Variants in SLC36A1 observed in about 807,000 individuals in gnomAD.
The protein encoded by SLC36A1 is solute carrier family 36 member 1.
In SLC36A1, 30 loss-of-function variants were observed where a neutral mutation model predicts 47.5. That is an observed-to-expected ratio of 0.63 (90% CI 0.47 to 0.86). The LOEUF (loss-of-function observed/expected upper bound fraction) is 0.86. SLC36A1 is among the 40% of genes least tolerant of loss of function. The pLI, the probability that SLC36A1 is intolerant of heterozygous loss-of-function variation, is 0.00. For missense variants in SLC36A1, 517 were observed against 606.0 expected, an observed-to-expected ratio of 0.85 and a Z score of 1.54; for synonymous variants, 255 against 249.7, an observed-to-expected ratio of 1.02 and a Z score of -0.20.
chr5:151,467,166 C>A (rs747164732), intron 5 of SLC36A1, 33 bp from the exon 6 acceptor site: 6 of 1,503,082 alleles, frequency 4.0e-6, no homozygotes, highest in Middle Eastern at 1.7e-4. Flanking sequence ...TGTATTGTAA[C>A]AGTCTTTGTA....
At chr5:151,520,211 G>C in the SLC36A1 span, among the ~76,000 whole-genome samples, 1 of 152,258 alleles carries the variant, frequency 6.6e-6, no homozygotes, top group Non-Finnish European at 1.5e-5. Flanking sequence ...GGCCAGGCAG[G>C]AGCGCTGGTG....
At chr5:151,467,109 TA>T in intron 5 of SLC36A1, 89 bp from the exon 6 acceptor site, 2 of 1,038,730 alleles carry the variant, frequency 1.9e-6, no homozygotes, top group Non-Finnish European at 2.9e-6. Flanking sequence ...CTAAATCTAT[TA>T]AAAAACAAAA....
the SLC36A1 span, among the ~76,000 whole-genome samples, chr5:151,535,140 G>A: frequency 6.6e-6 from 1 of 151,666 alleles, no homozygotes; most frequent in Non-Finnish European, 1.5e-5. Context: ...TTATGATTTA[G>A]CCACACAGTA....
At chr5:151,391,922 G>C in the SLC36A1 span, among the ~76,000 whole-genome samples, 1 of 152,188 alleles carries the variant, frequency 6.6e-6, no homozygotes, top group Admixed American at 6.5e-5. Context: ...CTCATAAAAT[G>C]AGTCAGGGAG....
the SLC36A1 span, chr5:151,549,490 T>C: frequency 1.9e-6 from 3 of 1,614,182 alleles, no homozygotes; most frequent in Non-Finnish European, 2.5e-6. Context: ...TTGATAGGTA[T>C]TTCCTGGTCT....
At chr5:151,475,557 A>G (rs1757933096) in intron 8 of SLC36A1, among the ~76,000 whole-genome samples, 1 of 152,224 alleles carries the variant, frequency 6.6e-6, no homozygotes, top group Non-Finnish European at 1.5e-5. Flanking sequence ...CAGGCCAGAT[A>G]TGGGCTCCCT....
the SLC36A1 span, chr5:151,517,877 T>C: frequency 7.5e-7 from 1 of 1,329,828 alleles, no homozygotes; most frequent in Non-Finnish European, 1.0e-6. Flanking sequence ...TTGCTCATAT[T>C]TTATACATGA....
chr5:151,444,441 C>A (rs982233511), upstream of SLC36A1, among the ~76,000 whole-genome samples: 11 of 152,146 alleles, frequency 7.2e-5, no homozygotes, highest in African/African-American at 2.4e-4. Flanking sequence ...AAATCATTCT[C>A]TTTATTTCTT....
At chr5:151,464,874 TG>T (rs1301438330) in intron 4 of SLC36A1, among the ~76,000 whole-genome samples, 199 bp from the exon 5 acceptor site, 1 of 152,232 alleles carries the variant, frequency 6.6e-6, no homozygotes, top group African/African-American at 2.4e-5. Flanking sequence ...TTCTACCAGA[TG>T]GTTGTTAATT....
At chr5:151,506,046 C>T in the SLC36A1 span, 1 of 1,560,334 alleles carries the variant, frequency 6.4e-7, no homozygotes, top group South Asian at 1.2e-5. Flanking sequence ...GTATTCCCAG[C>T]GTTCGTTCCT....
the SLC36A1 span, among the ~76,000 whole-genome samples, chr5:151,551,296 G>T: frequency 6.6e-6 from 1 of 152,168 alleles, no homozygotes; most frequent in Non-Finnish European, 1.5e-5. Context: ...GTGGGAGAAA[G>T]AATTCTCCCA....
chr5:151,403,227 A>G, the SLC36A1 span, among the ~76,000 whole-genome samples: 2 of 151,962 alleles, frequency 1.3e-5, no homozygotes, highest in African/African-American at 4.8e-5. Context: ...ATCTATTTCA[A>G]AGAATCTTTT....
chr5:151,464,055 T>C (rs1409800839), intron 3 of SLC36A1, among the ~76,000 whole-genome samples: 2 of 152,198 alleles, frequency 1.3e-5, no homozygotes, highest in Non-Finnish European at 2.9e-5. Flanking sequence ...GTGATTTACC[T>C]CCAGTTGACT....
chr5:151,373,947 G>C, the SLC36A1 span, among the ~76,000 whole-genome samples: 85 of 152,282 alleles, frequency 5.6e-4, no homozygotes, highest in East Asian at 0.014. Context: ...GATTAAAGCA[G>C]AGACAAGCAA....
chr5:151,409,092 A>G, the SLC36A1 span, among the ~76,000 whole-genome samples: 1 of 149,286 alleles, frequency 6.7e-6, no homozygotes, highest in Non-Finnish European at 1.5e-5. Flanking sequence ...TCAACCTCCC[A>G]GGCTCAGGGT....
At chr5:151,481,714 C>T (rs987145245) in intron 10 of SLC36A1, among the ~76,000 whole-genome samples, 1 of 151,854 alleles carries the variant, frequency 6.6e-6, no homozygotes, top group African/African-American at 2.4e-5. Flanking sequence ...ATGGCTGATA[C>T]GGACTTTGTG....
chr5:151,494,476 G>C (rs1196423696), downstream of SLC36A1, among the ~76,000 whole-genome samples: 2 of 152,102 alleles, frequency 1.3e-5, no homozygotes, highest in Non-Finnish European at 2.9e-5. Context: ...ACACCACTCA[G>C]CCCTTGGCAA....
chr5:151,379,824 G>A, the SLC36A1 span, among the ~76,000 whole-genome samples: 9 of 151,994 alleles, frequency 5.9e-5, no homozygotes, highest in South Asian at 4.1e-4. Flanking sequence ...CTTATGGCAC[G>A]TCTCAATTCA....
intron 1 of SLC36A1, among the ~76,000 whole-genome samples, chr5:151,450,677 A>G (rs1434264764): frequency 1.3e-5 from 2 of 152,200 alleles, no homozygotes. Context: ...TCTCATATTA[A>G]GTACTCCTGC....
Sources: allele counts gnomAD v4.1 joint callset (sites outside exome capture counted in the v4.1 genomes callset), GRCh38; gene constraint gnomAD v4.1.1; transcripts MANE v1.5; gene names NCBI Gene and HGNC (gene_info 2026-07-23, HGNC 2026-07-21).